MMP16: variants seen among roughly 807,000 people sequenced by gnomAD.
The protein encoded by MMP16 is matrix metallopeptidase 16.
MMP16 carries 12 observed loss-of-function variants against 67.8 expected under a neutral mutation model. That is an observed-to-expected ratio of 0.18 (90% CI 0.11 to 0.29). The LOEUF is 0.29. Ranked by LOEUF, MMP16 falls within the 10% of genes least tolerant of loss-of-function variation. The pLI, the probability that MMP16 is intolerant of heterozygous loss-of-function variation, is 1.00. For missense variants in MMP16, 475 were observed against 765.7 expected (o/e 0.62, Z 4.48); for synonymous variants, 249 against 255.9 (o/e 0.97, Z 0.26).
intron 1 of MMP16, among the ~76,000 whole-genome samples, chr8:88,201,947 A>G (rs1390964599): frequency 6.6e-6 from 1 of 152,192 alleles, no homozygotes; most frequent in Non-Finnish European, 1.5e-5. Flanking sequence ...AATGTGAATT[A>G]TAACTACCTA....
Position 88,197,244 on chromosome 8 carries a change from A to T in MMP16, c.195T>A (p.Ser65=). 1 of 1,611,380 alleles carries T rather than the reference A, an allele frequency of 6.2e-7. No homozygotes were observed. The highest frequency in any genetic ancestry group is 8.5e-7 in the Non-Finnish European group (1 of 1,179,176). ...PTDPRMSVLR[S]AETMQSALAA... is the part of the protein sequence containing the mutation. ...CTAGGGCAGACTGCATGGTCTCTGCAGAGCGCAGCACTGACATTCTGGGGT... is the reference window on the plus strand; with the variant it reads ...CTAGGGCAGACTGCATGGTCTCTGCTGAGCGCAGCACTGACATTCTGGGGT... The change falls in exon 2 of 10, where the codon TCT becomes TCA. Residue 65 remains serine, a synonymous_variant. Coordinates refer to ENST00000286614, the MANE Select transcript of MMP16 (RefSeq NM_005941.5).
chr8:88,235,409 T>C (rs1051331409), intron 1 of MMP16, among the ~76,000 whole-genome samples: 4 of 131,434 alleles, frequency 3.0e-5, no homozygotes, highest in African/African-American at 1.1e-4. Flanking sequence ...AAAAAAAAAA[T>C]CAAACTAGGA....
intron 6 of MMP16, among the ~76,000 whole-genome samples, chr8:88,102,129 C>T (rs530600459): frequency 1.3e-4 from 20 of 151,924 alleles, no homozygotes; most frequent in African/African-American, 4.3e-4. Flanking sequence ...TTTGTCCCTA[C>T]CAGCAAGTGT....
chr8:88,247,419 G>T (rs1810130739), intron 1 of MMP16, among the ~76,000 whole-genome samples: 1 of 152,056 alleles, frequency 6.6e-6, no homozygotes, highest in African/African-American at 2.4e-5. Flanking sequence ...CGCCCAGAGG[G>T]TATAAAGTTG....
intron 4 of MMP16, among the ~76,000 whole-genome samples, chr8:88,162,399 TGAGA>T (rs1238332464): frequency 6.6e-6 from 1 of 152,022 alleles, no homozygotes; most frequent in Non-Finnish European, 1.5e-5. Flanking sequence ...GCCGAATTAT[TGAGA>T]GAGTTCGTTC....
At chr8:88,102,972 T>C (rs1484107239) in intron 6 of MMP16, among the ~76,000 whole-genome samples, 2 of 151,836 alleles carry the variant, frequency 1.3e-5, no homozygotes, top group East Asian at 2.0e-4. Flanking sequence ...TCATTCTTAG[T>C]CTATTCTGTT....
intron 3 of MMP16, among the ~76,000 whole-genome samples, chr8:88,185,523 T>C (rs1052884658): frequency 6.6e-5 from 10 of 152,146 alleles, no homozygotes; most frequent in South Asian, 4.1e-4. Context: ...AACCAATATA[T>C]TGAGGCTTTC....
At chr8:88,101,131 AT>A (rs772431823) in intron 6 of MMP16, among the ~76,000 whole-genome samples, 128 of 151,958 alleles carry the variant, frequency 8.4e-4, no homozygotes, top group Non-Finnish European at 1.4e-3. Flanking sequence ...AATTTAAAAA[AT>A]AAAATAAAAA....
intron 7 of MMP16, among the ~76,000 whole-genome samples, chr8:88,067,184 G>C (rs1410350406): frequency 6.6e-6 from 1 of 152,070 alleles, no homozygotes; most frequent in Non-Finnish European, 1.5e-5. Context: ...CTTTAACGTA[G>C]AGGGGAAAGT....
At chr8:88,187,353 T>C (rs1053885742) in intron 2 of MMP16, among the ~76,000 whole-genome samples, 1 of 152,208 alleles carries the variant, frequency 6.6e-6, no homozygotes, top group Non-Finnish European at 1.5e-5. Flanking sequence ...GAGAGTCTCA[T>C]TGGACCACTG....
chr8:88,316,083 G>GAGGAAGCTGCAGAAGAAAAGT (rs1159415926), intron 1 of MMP16, among the ~76,000 whole-genome samples: 3 of 152,196 alleles, frequency 2.0e-5, no homozygotes, highest in African/African-American at 7.2e-5. Context: ...TGAGAGAGGT[G>GAGGAAGCTGCAGAAGAAAAGT]AGGAAGCTGC....
At chr8:88,312,985 AAC>A (rs1491369498) in intron 1 of MMP16, among the ~76,000 whole-genome samples, 1 of 145,340 alleles carries the variant, frequency 6.9e-6, no homozygotes, top group African/African-American at 2.6e-5. Context: ...CAAAAACAAA[AAC>A]AAAAAAAGGT....
In MMP16 at chr8:88,041,531, A is replaced by G; in HGVS notation, c.1754T>C (p.Phe585Ser). The G allele has an allele frequency of 6.2e-7, 1 of 1,614,142 alleles. No individual in the cohort carries two copies. The highest frequency in any genetic ancestry group is 8.5e-7 in the Non-Finnish European group (1 of 1,180,004). The change falls in exon 10 of 10, where the codon TTC (phenylalanine) becomes TCC (serine). Residue 585 changes from phenylalanine (F) to serine (S), a missense_variant. Phe to Ser is a radical substitution (Grantham distance 155). Around this residue, in one of 5 missense-constraint regions of MMP16, gnomAD observed 80 missense variants for 93.4 expected, o/e 0.86. Transcript: ENST00000286614. The surrounding 1 kb of genome is among the most constrained non-coding windows in gnomAD (Gnocchi z 6.0). ...LCLLVLVYTVFQFKRKGTPRH... is the reference protein window; with the variant it reads ...LCLLVLVYTVSQFKRKGTPRH... ...GGGTGTTCCTTTCCTCTTGAACTGG[A>G]ACACAGTGTAAACCAATACAAGGAG...
intron 1 of MMP16, among the ~76,000 whole-genome samples, chr8:88,241,811 T>C (rs2129902625): frequency 6.6e-6 from 1 of 152,222 alleles, no homozygotes; most frequent in Admixed American, 6.5e-5. Context: ...AGTGTATTCA[T>C]TACTTCAAAC....
intron 1 of MMP16, among the ~76,000 whole-genome samples, chr8:88,290,831 G>C (rs1043667175): frequency 1.8e-4 from 28 of 152,198 alleles, no homozygotes; most frequent in African/African-American, 5.5e-4. Flanking sequence ...AAGATAAAAG[G>C]AAACAGGGAA....
intron 7 of MMP16, among the ~76,000 whole-genome samples, chr8:88,062,284 T>A (rs1808409082): frequency 6.6e-6 from 1 of 152,090 alleles, no homozygotes; most frequent in Admixed American, 6.6e-5. Flanking sequence ...AAATACCATT[T>A]GACCCAGCCA....
intron 7 of MMP16, among the ~76,000 whole-genome samples, chr8:88,060,469 G>A (rs1160930355): frequency 6.6e-6 from 1 of 151,990 alleles, no homozygotes; most frequent in Non-Finnish European, 1.5e-5. Context: ...ATTGCATTCA[G>A]GATAAAACCC....
At chr8:88,134,873 AAAAT>A (rs1586168635) in intron 4 of MMP16, among the ~76,000 whole-genome samples, 2 of 151,622 alleles carry the variant, frequency 1.3e-5, no homozygotes, top group East Asian at 3.9e-4. Context: ...GTATTGTTCT[AAAAT>A]ATCATAAGAT....
chr8:88,198,750 A>T (rs2129785256), intron 1 of MMP16, among the ~76,000 whole-genome samples: 1 of 152,224 alleles, frequency 6.6e-6, no homozygotes, highest in Middle Eastern at 3.4e-3. Flanking sequence ...CATTTAAGAA[A>T]TGAGCAATGC....
Sources: gnomAD v4.1 joint callset for allele counts (sites outside exome capture counted in the v4.1 genomes callset) on GRCh38, gnomAD v4.1.1 for gene constraint, gnomAD v4.1.1 regional missense constraint, Gnocchi (gnomAD v3.1) non-coding constraint, MANE v1.5 for transcripts, NCBI Gene and HGNC (gene_info 2026-07-23, HGNC 2026-07-21) for gene names.